NUFIP1: variants seen among roughly 807,000 people sequenced by gnomAD.
NUFIP1 encodes FMR1-interacting protein NUFIP1.
A neutral mutation model predicts 56.2 loss-of-function variants in NUFIP1; 38 were observed. The ratio of observed to expected loss-of-function variants is 0.68; its 90% CI spans 0.52 to 0.89. The LOEUF (loss-of-function observed/expected upper bound fraction) is 0.89. Ranked by LOEUF, NUFIP1 falls within the 40% of genes least tolerant of loss-of-function variation. NUFIP1 has a pLI of 0.00. For missense variants in NUFIP1, 567 were observed against 605.8 expected, an observed-to-expected ratio of 0.94 and a Z score of 0.67; for synonymous variants, 215 against 212.4, an observed-to-expected ratio of 1.01 and a Z score of -0.10.
intron 6 of NUFIP1, among the ~76,000 whole-genome samples, chr13:44,963,714 TATC>T (rs1871502052): frequency 6.6e-6 from 1 of 152,228 alleles, no homozygotes; most frequent in African/African-American, 2.4e-5. Flanking sequence ...CATGATGTTA[TATC>T]ATATTTTTAC....
At chr13:44,967,359 T>A (rs1022886467) in intron 5 of NUFIP1, among the ~76,000 whole-genome samples, 1 of 151,734 alleles carries the variant, frequency 6.6e-6, no homozygotes, top group African/African-American at 2.4e-5. Flanking sequence ...ATAAAAAAAA[T>A]TAGCTGGGCA....
chr13:44,979,212 G>A lies in NUFIP1; in HGVS notation c.712C>T (p.Arg238Trp), dbSNP rs763797127. Reference sequence around the variant, plus strand: ...CACTTCCTTCTTTCTTCCCTCCACCGTGCAATTTCCTCTGGAGTGTCTAAC... The same window carrying A: ...CACTTCCTTCTTTCTTCCCTCCACCATGCAATTTCCTCTGGAGTGTCTAAC... ...IKLDTPEEIA[R>W]WREERRKNYP... Residue 238 changes from arginine to tryptophan, a missense_variant, in exon 5 of 10, where the codon CGG becomes TGG. Transcript: ENST00000379161. The A allele has an allele frequency of 9.9e-6, 16 of 1,612,766 alleles. No homozygotes were observed. The highest frequency in any genetic ancestry group is 3.3e-5 in the South Asian group (3 of 90,916).
At chr13:44,982,497 G>C (rs962343856) in intron 1 of NUFIP1, among the ~76,000 whole-genome samples, 1 of 151,988 alleles carries the variant, frequency 6.6e-6, no homozygotes, top group Non-Finnish European at 1.5e-5. Context: ...CATCAATTTC[G>C]CACCAGGAAA....
At position 44,959,411 on chromosome 13, in the gene NUFIP1, G is replaced by A. The variant is rs1000258829; in HGVS notation, c.991C>T (p.Pro331Ser). ...LEGPPEANADPLGVLINSDSE... is the reference protein window; with the variant it reads ...LEGPPEANADSLGVLINSDSE... ...TCACTGTTTATCAAAACACCAAGAG[G>A]ATCTGCATTTGCCTCCGGTGGACCT... The change falls in exon 7 of 10, where the codon CCT (proline) becomes TCT (serine). Residue 331 changes from proline to serine, a missense_variant. Pro to Ser is a moderately conservative substitution (Grantham distance 74, BLOSUM62 -1). Transcript: ENST00000379161. 1.2e-6 allele frequency: 2 copies of A among 1,613,768 alleles called. No individual in the cohort carries two copies. The highest frequency in any genetic ancestry group is 1.7e-4 in the Middle Eastern group (1 of 6,060).
At chr13:44,953,647 A>AT (rs988040006) in intron 7 of NUFIP1, among the ~76,000 whole-genome samples, 11 of 151,856 alleles carry the variant, frequency 7.2e-5, no homozygotes, top group African/African-American at 2.4e-4. Context: ...ACATCTTCAC[A>AT]TTTTTTTAGC....
Position 44,973,961 on chromosome 13 carries a change from A to G in NUFIP1, c.734+5229T>C, listed in dbSNP as rs551203034. Among the ~76,000 whole-genome samples the G allele has an allele frequency of 2.0e-5, 3 of 152,362 alleles. No individual in the cohort carries two copies. In the East Asian group the frequency reaches 5.8e-4, roughly 29 times the overall value. The stretch of plus-strand genomic sequence containing the variant: ...ATCAGAAAAGACAAGTTAAGCCCAC[A>G]TTATAGGATTCTGGTTTCCAGTTCT... On this transcript the variant is annotated intron_variant, in intron 5 of 9. Coordinates refer to ENST00000379161, the MANE Select transcript of NUFIP1 (RefSeq NM_012345.3).
intron 5 of NUFIP1, among the ~76,000 whole-genome samples, chr13:44,966,375 T>C (rs1421779435): frequency 1.3e-5 from 2 of 152,078 alleles, no homozygotes; most frequent in Non-Finnish European, 2.9e-5. Context: ...AGTGCAATGG[T>C]GCGATCTCAG....
chr13:44,941,504 T>C (rs1166078365), intron 9 of NUFIP1, among the ~76,000 whole-genome samples, 182 bp from the exon 10 acceptor site: 4 of 152,202 alleles, frequency 2.6e-5, no homozygotes, highest in South Asian at 2.1e-4. Flanking sequence ...ATCAAGACTA[T>C]CTAGCTTTTT....
At position 44,941,029 on chromosome 13, in the gene NUFIP1, A is replaced by AT. The variant is rs1870715108; in HGVS notation, c.*176dup. On this transcript the variant is annotated 3_prime_UTR_variant, in exon 10 of 10. Transcript: ENST00000379161. ...CAGACACAGTCTTAAAAAATCAGTTATTTTTTTATTTGCATAGAACCAAAG... is the reference window on the plus strand; with the variant it reads ...CAGACACAGTCTTAAAAAATCAGTTATTTTTTTTATTTGCATAGAACCAAAG... 1.1e-5 allele frequency: 5 copies of AT among 468,720 alleles called. No individual in the cohort carries two copies. Among genetic ancestry groups the AT allele is most frequent in the Non-Finnish European group, 1.9e-5 (5 of 262,884 alleles). The allele number at this position is 468,720 out of a possible 1,614,324, so 29.0% of individuals were successfully genotyped here.
At position 44,959,516 on chromosome 13, in the gene NUFIP1, T is replaced by C. The variant is rs773200745; in HGVS notation, c.886A>G (p.Asn296Asp). The C allele has an allele frequency of 6.2e-7, 1 of 1,614,118 alleles. No individual in the cohort carries two copies. The highest frequency in any genetic ancestry group is 8.5e-7 in the Non-Finnish European group (1 of 1,180,024). Residue 296 changes from asparagine to aspartate, a missense_variant, in exon 7 of 10, where the codon AAT (asparagine) becomes GAT (aspartate). By Grantham distance (23) the Asn-to-Asp change is conservative. Transcript: ENST00000379161. ...GAATTGTCGTTTTTCCATTTGTGAT[T>C]CTTGCCAGGACTTCTGATCTTTGCC... ...QMAKIRSPGK[N>D]HKWKNDNSRQ...
At chr13:44,958,639 A>C (rs76319144) in intron 7 of NUFIP1, among the ~76,000 whole-genome samples, 1 of 152,184 alleles carries the variant, frequency 6.6e-6, no homozygotes, top group Non-Finnish European at 1.5e-5. Flanking sequence ...CTACAATGTC[A>C]CTAATGTCAA....
chr13:44,964,571 G>A (rs144004615), intron 6 of NUFIP1, among the ~76,000 whole-genome samples: 53 of 152,280 alleles, frequency 3.5e-4, no homozygotes, highest in African/African-American at 1.3e-3. Context: ...ACCAGAGAGA[G>A]CAAGACATCT....
chr13:44,963,459 A>T (rs1027616517), intron 6 of NUFIP1, among the ~76,000 whole-genome samples: 3 of 152,200 alleles, frequency 2.0e-5, no homozygotes, highest in African/African-American at 7.2e-5. Flanking sequence ...TTCTAATCTT[A>T]GGGGAGGTGG....
At position 44,989,232 on chromosome 13, in the gene NUFIP1, T is replaced by C. The variant is rs370829023; in HGVS notation, c.205A>G (p.Met69Val). 6.8e-6 allele frequency: 11 copies of C among 1,612,236 alleles called. No individual in the cohort carries two copies. In the African/African-American group the frequency reaches 8.0e-5, roughly 12 times the overall value. ...SKPSSESQPP[M>V]EAQSLPGAPP... The stretch of plus-strand genomic sequence containing the variant: ...GCCCCGGGGAGAGACTGGGCCTCCA[T>C]GGGGGGCTGCGACTCAGAGGAAGGC... The change falls in exon 1 of 10, where the codon ATG becomes GTG. Residue 69 changes from methionine (M) to valine (V), a missense_variant. Transcript: ENST00000379161.
intron 8 of NUFIP1, 38 bp from the exon 9 acceptor site, chr13:44,943,712 A>G (rs765259738): frequency 1.3e-6 from 2 of 1,499,798 alleles, no homozygotes; most frequent in East Asian, 2.3e-5. Flanking sequence ...AATAAACAAA[A>G]CAAAACAAAA....
chr13:44,972,206 A>T (rs1871828334), intron 5 of NUFIP1, among the ~76,000 whole-genome samples: 1 of 152,212 alleles, frequency 6.6e-6, no homozygotes, highest in African/African-American at 2.4e-5. Context: ...ACAAAAACCT[A>T]TACGTGAATG....
At chr13:44,964,168 C>T (rs1056266818) in intron 6 of NUFIP1, among the ~76,000 whole-genome samples, 5 of 152,004 alleles carry the variant, frequency 3.3e-5, no homozygotes, top group Non-Finnish European at 7.4e-5. Context: ...TTTATGATCT[C>T]CAAGTAAGCA....
intron 1 of NUFIP1, among the ~76,000 whole-genome samples, chr13:44,984,340 A>G (rs557742018): frequency 4.6e-5 from 7 of 152,206 alleles, no homozygotes; most frequent in Non-Finnish European, 8.8e-5. Context: ...TCTGCCATAC[A>G]ATAAACACTA....
At chr13:44,965,814 T>C (rs748212645) in intron 6 of NUFIP1, 30 bp downstream of exon 6, 4 of 1,357,942 alleles carry the variant, frequency 2.9e-6, no homozygotes, top group Non-Finnish European at 4.0e-6. Flanking sequence ...TTGTGCTCCT[T>C]TTCATTATTC....
Sources: allele counts gnomAD v4.1 joint callset (sites outside exome capture counted in the v4.1 genomes callset), GRCh38; gene constraint gnomAD v4.1.1; transcripts MANE v1.5; gene names NCBI Gene and HGNC (gene_info 2026-07-23, HGNC 2026-07-21).